FLCN: variants seen among roughly 807,000 people sequenced by gnomAD.
FLCN encodes the protein BHD skin lesion fibrofolliculoma protein.
In FLCN, 22 loss-of-function variants were observed where a neutral mutation model predicts 62.5. The observed-to-expected ratio is 0.35, with a 90% CI of 0.25 to 0.50. The LOEUF (loss-of-function observed/expected upper bound fraction) is 0.50, where lower values mean the gene tolerates loss of function less well. FLCN is among the 20% of genes least tolerant of loss of function. FLCN has a pLI of 0.97. For synonymous variants in FLCN, 319 were observed against 310.0 expected, an observed-to-expected ratio of 1.03 and a Z score of -0.30; for missense variants, 657 against 778.0, an observed-to-expected ratio of 0.84 and a Z score of 1.85.
In FLCN at chr17:17,216,565, T is replaced by C; in HGVS notation, c.1177-62A>G. 6.8e-6 allele frequency: 11 copies of C among 1,606,460 alleles called. No individual in the cohort carries two copies. The highest frequency in any genetic ancestry group is 1.3e-5 in the African/African-American group (1 of 74,890). ...GGAAGCCCTCAGCCCCGGCCATCCATGCTCTACTACCCAAACCCCACACGC... is the reference window on the plus strand; with the variant it reads ...GGAAGCCCTCAGCCCCGGCCATCCACGCTCTACTACCCAAACCCCACACGC... On this transcript the variant is annotated intron_variant, in intron 10 of 13. Coordinates refer to ENST00000285071, the MANE Select transcript of FLCN (RefSeq NM_144997.7). The surrounding 1 kb of genome is among the most constrained non-coding windows in gnomAD (Gnocchi z 4.0).
chr17:17,216,914 C>A lies in FLCN; in HGVS notation c.1176+155G>T. 1.4e-6 allele frequency: 1 copy of A among 699,054 alleles called. No individual in the cohort carries two copies. The highest frequency in any genetic ancestry group is 2.6e-6 in the Non-Finnish European group (1 of 384,450). The allele number at this position is 699,054 out of a possible 1,614,324, so 43.3% of individuals were successfully genotyped here. On this transcript the variant is annotated intron_variant, in intron 10 of 13. Transcript: ENST00000285071. This position sits in a 1 kb window ranked among gnomAD's most constrained non-coding sequence, Gnocchi z 4.0. ...ATGATTTAAACATCATCAGACCAGACCCGGGTCTCCGTGCCCACTGCGCCC... is the reference window on the plus strand; with the variant it reads ...ATGATTTAAACATCATCAGACCAGAACCGGGTCTCCGTGCCCACTGCGCCC...
chr17:17,223,772 C>T, intron 6 of FLCN, 150 bp downstream of exon 6: 1 of 816,988 alleles, frequency 1.2e-6, no homozygotes, highest in South Asian at 1.6e-5. Flanking sequence ...CGACCTCCAG[C>T]TCTGAAGCCA....
At position 17,216,500 on chromosome 17, in the gene FLCN, TG is replaced by T. The variant is rs398124525; in HGVS notation, c.1179del (p.Met394CysfsTer74). On this transcript the variant is annotated frameshift_variant and splice_region_variant, in exon 11 of 14. Coordinates refer to ENST00000285071, the MANE Select transcript of FLCN (RefSeq NM_144997.7). LOFTEE classifies it high-confidence loss of function. This position sits in a 1 kb window ranked among gnomAD's most constrained non-coding sequence, Gnocchi z 4.0. ...LVQSAFEVLR[T>X]MLPVGCVRII... The stretch of plus-strand genomic sequence containing the variant: ...ATGCGGACGCAGCCCACGGGAAGCA[TG>T]GTCTGAGGAGGACAGCAGGACTCAG... 6.2e-7 allele frequency: 1 copy of T among 1,613,768 alleles called. No homozygotes were observed. Among genetic ancestry groups the T allele is most frequent in the Non-Finnish European group, 8.5e-7 (1 of 1,179,912 alleles).
chr17:17,236,608 G>A (rs2047588073), intron 1 of FLCN, among the ~76,000 whole-genome samples: 1 of 152,162 alleles, frequency 6.6e-6, no homozygotes, highest in African/African-American at 2.4e-5. Context: ...TAGCGCATCA[G>A]AGGACCCTCC....
At chr17:17,223,879 T>G (rs752354708) in intron 6 of FLCN, 43 bp downstream of exon 6, 8 of 1,605,432 alleles carry the variant, frequency 5.0e-6, no homozygotes, top group Non-Finnish European at 6.0e-6. Flanking sequence ...GCTCATGCAG[T>G]GCAGGGCCCC....
chr17:17,227,965 A>G lies in FLCN; in HGVS notation c.173T>C (p.Met58Thr), dbSNP rs2047306689. Residue 58 changes from methionine (M) to threonine (T), a missense_variant, in exon 4 of 14, where the codon ATG becomes ACG. Physicochemically the swap from Met to Thr is moderately conservative, Grantham distance 81. Transcript: ENST00000285071. ...CCCCTCTGCGGGGCTGTGCGCACGC[A>G]TCCGACTGTTCATCTGAATGCCACC... ...EEGGIQMNSRMRAHSPAEGAS... is the reference protein window; with the variant it reads ...EEGGIQMNSRTRAHSPAEGAS... The G allele has an allele frequency of 1.2e-6, 2 of 1,614,156 alleles. No homozygotes were observed. Among genetic ancestry groups the G allele is most frequent in the Non-Finnish European group, 1.7e-6 (2 of 1,180,048 alleles).
rs1490424623 is a variant in FLCN, at chr17:17,219,194, G to C, written c.887C>G (p.Ser296Ter). Residue 296 changes from serine to a stop codon, truncating the protein, a stop_gained, in exon 9 of 14, where the codon TCA becomes TGA. Coordinates refer to ENST00000285071, the MANE Select transcript of FLCN (RefSeq NM_144997.7). LOFTEE classifies it high-confidence loss of function. ...MEKLADLEEE[S>*]ESWDNSEAEE... ...AGCCTCAGAGTTGTCCCAGCTTTCT[G>C]ATTCCTCTTCTAAATCTGCAAGACA... The C allele has an allele frequency of 6.2e-7, 1 of 1,614,056 alleles. No homozygotes were observed. Among genetic ancestry groups the C allele is most frequent in the East Asian group, 2.2e-5 (1 of 44,888 alleles).
At chr17:17,221,354 C>T in intron 8 of FLCN, 183 bp downstream of exon 8, 1 of 1,592,762 alleles carries the variant, frequency 6.3e-7, no homozygotes, top group East Asian at 2.3e-5. Context: ...GCAAACGAGA[C>T]AGGAAATCAC....
At chr17:17,228,760 T>A (rs1430507762) in intron 3 of FLCN, 2 of 162,100 alleles carry the variant, frequency 1.2e-5, no homozygotes, top group Non-Finnish European at 2.7e-5. Context: ...GGGTGGGTGC[T>A]GTACTGTCTG....
intron 7 of FLCN, 48 bp from the exon 8 acceptor site, chr17:17,221,676 C>T (rs2144935681): frequency 6.3e-7 from 1 of 1,579,224 alleles, no homozygotes; most frequent in Non-Finnish European, 8.6e-7. Context: ...AAGGAAAAAG[C>T]AAACCTGACG....
intron 6 of FLCN, chr17:17,223,081 G>A (rs1159018590): frequency 3.3e-6 from 1 of 301,776 alleles, no homozygotes; most frequent in African/African-American, 2.2e-5. Flanking sequence ...AGGGCAGAAG[G>A]AGCAACATTT....
At chr17:17,224,296 C>T in intron 5 of FLCN, 153 bp from the exon 6 acceptor site, 1 of 694,764 alleles carries the variant, frequency 1.4e-6, no homozygotes, top group East Asian at 2.7e-5. Flanking sequence ...GAGCCGAAGA[C>T]TGTACTCTTC....
chr17:17,230,137 G>A (rs1261678592), intron 3 of FLCN, among the ~76,000 whole-genome samples: 1 of 152,194 alleles, frequency 6.6e-6, no homozygotes, highest in Non-Finnish European at 1.5e-5. Context: ...CCTGACATGT[G>A]ACACAGCCTG....
At chr17:17,219,358 C>T (rs1567813407) in intron 8 of FLCN, 149 bp from the exon 9 acceptor site, 7 of 518,404 alleles carry the variant, frequency 1.4e-5, no homozygotes, top group Non-Finnish European at 1.8e-5. Context: ...CTCTGGGAGC[C>T]CTGGGGTGGG....
chr17:17,236,733 G>T (rs1033153207), intron 1 of FLCN, among the ~76,000 whole-genome samples, 179 bp downstream of exon 1: 1 of 152,138 alleles, frequency 6.6e-6, no homozygotes, highest in Non-Finnish European at 1.5e-5. Flanking sequence ...CATCAAATGA[G>T]ATCACAGTCC....
At chr17:17,218,387 T>C (rs1391400093) in intron 9 of FLCN, among the ~76,000 whole-genome samples, 1 of 25,694 alleles carries the variant, frequency 3.9e-5, no homozygotes, top group South Asian at 1.2e-3. Flanking sequence ...CATCACTTTC[T>C]TTTTTTTTTT....
Position 17,213,676 on chromosome 17 carries a change from T to C in FLCN, c.1719A>G (p.Thr573=). 1 of 1,614,156 alleles carries C rather than the reference T, an allele frequency of 6.2e-7. No individual in the cohort carries two copies. Among genetic ancestry groups the C allele is most frequent in the Admixed American group, 1.7e-5 (1 of 60,016 alleles). Residue 573 remains threonine, a synonymous_variant, in exon 14 of 14, where the codon ACA becomes ACG. Transcript: ENST00000285071. ...SHLMSTVRSP[T]ASESRN ...CGGGTCAGTTCCGAGACTCCGAGGCTGTGGGGCTGCGGACCGTGGACATGA... is the reference window on the plus strand; with the variant it reads ...CGGGTCAGTTCCGAGACTCCGAGGCCGTGGGGCTGCGGACCGTGGACATGA...
In FLCN at chr17:17,221,580, A is replaced by G; in HGVS notation, c.828T>C (p.Gly276=). 6.2e-7 allele frequency: 1 copy of G among 1,611,018 alleles called. No individual in the cohort carries two copies. Among genetic ancestry groups the G allele is most frequent in the Non-Finnish European group, 8.5e-7 (1 of 1,179,880 alleles). Residue 276 remains glycine, a synonymous_variant, in exon 8 of 14, where the codon GGT becomes GGC. Coordinates refer to ENST00000285071, the MANE Select transcript of FLCN (RefSeq NM_144997.7). ...GSRLTEKLLE[G]APTEDTLVQM... Reference sequence around the variant, plus strand: ...GGACCAAGGTATCCTCGGTCGGAGCACCTTCCAGGAGCTTCTCGGTCAGCC... The same window carrying G: ...GGACCAAGGTATCCTCGGTCGGAGCGCCTTCCAGGAGCTTCTCGGTCAGCC...
intron 9 of FLCN, chr17:17,217,718 C>T (rs1278515578): frequency 9.5e-6 from 2 of 211,216 alleles, no homozygotes; most frequent in East Asian, 1.2e-4. Flanking sequence ...TTTTAGTTGT[C>T]ACGTCCTTAT....
Sources: allele counts gnomAD v4.1 joint callset (sites outside exome capture counted in the v4.1 genomes callset), GRCh38; gene constraint gnomAD v4.1.1; non-coding constraint Gnocchi (gnomAD v3.1); transcripts MANE v1.5; gene names NCBI Gene and HGNC (gene_info 2026-07-23, HGNC 2026-07-21).